The following FAM13B variants were observed in gnomAD, a reference collection of about 807,000 sequenced individuals.
The protein encoded by FAM13B is family with sequence similarity 13 member B.
In FAM13B, 60 loss-of-function variants were observed where a neutral mutation model predicts 117.3. That is an observed-to-expected ratio of 0.51 (90% confidence interval 0.42 to 0.63). FAM13B has a LOEUF of 0.63. FAM13B is among the 30% of genes least tolerant of loss of function. The pLI is 0.00. For synonymous variants in FAM13B, 332 were observed against 356.1 expected, an observed-to-expected ratio of 0.93 and a Z score of 0.76; for missense variants, 972 against 1,091.9, an observed-to-expected ratio of 0.89 and a Z score of 1.55.
At chr5:137,999,563 G>C (rs930032921) in intron 7 of FAM13B, among the ~76,000 whole-genome samples, 1 of 152,012 alleles carries the variant, frequency 6.6e-6, no homozygotes, top group African/African-American at 2.4e-5. Flanking sequence ...GTGAGTGCAA[G>C]ACCTTCCAGC....
chr5:137,945,699 T>C (rs1002670988), intron 20 of FAM13B, among the ~76,000 whole-genome samples: 1 of 152,220 alleles, frequency 6.6e-6, no homozygotes, highest in African/African-American at 2.4e-5. Flanking sequence ...GACATAAGCA[T>C]ACATAAAAAT....
upstream of FAM13B, among the ~76,000 whole-genome samples, chr5:138,033,520 G>C (rs1005199256): frequency 2.0e-5 from 3 of 152,152 alleles, no homozygotes; most frequent in African/African-American, 7.2e-5. Flanking sequence ...CCGGGACCAC[G>C]GGGCTGCACC....
chr5:137,994,460 G>A (rs1033107596), intron 7 of FAM13B, among the ~76,000 whole-genome samples: 1 of 151,830 alleles, frequency 6.6e-6, no homozygotes, highest in Admixed American at 6.6e-5. Flanking sequence ...TATCAGCCAG[G>A]GCTCACACAC....
At chr5:138,021,575 G>C (rs1786722002) in intron 1 of FAM13B, among the ~76,000 whole-genome samples, 1 of 152,066 alleles carries the variant, frequency 6.6e-6, no homozygotes, top group South Asian at 2.1e-4. Flanking sequence ...ATTTTCAAAA[G>C]ATCAAAGAAT....
intron 1 of FAM13B, among the ~76,000 whole-genome samples, chr5:138,047,409 G>A (rs1791674530): frequency 6.6e-6 from 1 of 151,802 alleles, no homozygotes; most frequent in Non-Finnish European, 1.5e-5. Context: ...AGGAGGCTGA[G>A]GCAGGAGAAT....
Position 138,011,261 on chromosome 5 carries a change from GT to G in FAM13B, c.549-113del, listed in dbSNP as rs946921040. On this transcript the variant is annotated intron_variant, in intron 5 of 23. Coordinates refer to ENST00000689681, the MANE Select transcript of FAM13B (RefSeq NM_001385994.1). ...CATGGGCAATTTATGTTACCATTCT[GT>G]GCTTCCATTCTCCCATCTGTAAAAC... 8.2e-6 allele frequency: 8 copies of G among 971,652 alleles called. No individual in the cohort carries two copies. In the African/African-American group the frequency reaches 1.4e-4, roughly 16 times the overall value. 60.2% of individuals were successfully genotyped at this position (971,652 alleles called of 1,614,324 possible).
At chr5:138,046,705 CAT>C (rs1791649301) in intron 1 of FAM13B, among the ~76,000 whole-genome samples, 2 of 152,124 alleles carry the variant, frequency 1.3e-5, no homozygotes. Context: ...TATTATGAGA[CAT>C]TATTACTATA....
rs919368572 is a variant in FAM13B at position 138,017,045 on chromosome 5, G to A, written c.370+1257C>T. On this transcript the variant is annotated intron_variant, in intron 4 of 23. Coordinates refer to ENST00000689681, the MANE Select transcript of FAM13B (RefSeq NM_001385994.1). ...AAACAAAAAAGCGTAATTTTGGGGG[G>A]AGAAAAATTAAAGTGATGCATTGAA... 3.3e-5 allele frequency among the ~76,000 whole-genome samples: 5 copies of A among 152,142 alleles called. No homozygotes were observed. In the East Asian group the frequency reaches 9.6e-4, roughly 29 times the overall value.
At chr5:137,982,864 A>C (rs1776152142) in intron 10 of FAM13B, among the ~76,000 whole-genome samples, 1 of 152,156 alleles carries the variant, frequency 6.6e-6, no homozygotes, top group Non-Finnish European at 1.5e-5. Context: ...TCAGCTATGA[A>C]CCTAATGATG....
At chr5:137,996,281 G>A (rs1779841407) in intron 7 of FAM13B, among the ~76,000 whole-genome samples, 2 of 152,004 alleles carry the variant, frequency 1.3e-5, no homozygotes, top group South Asian at 2.1e-4. Flanking sequence ...GACTACAGGC[G>A]CCGGCCACCA....
At chr5:137,968,258 T>A (rs1034098563) in intron 10 of FAM13B, among the ~76,000 whole-genome samples, 13 of 142,278 alleles carry the variant, frequency 9.1e-5, no homozygotes, top group Non-Finnish European at 1.7e-4. Flanking sequence ...AAAGTCACAA[T>A]GTAAGTTTCC....
chr5:138,023,021 T>C (rs1312563370), intron 1 of FAM13B, among the ~76,000 whole-genome samples: 1 of 152,050 alleles, frequency 6.6e-6, no homozygotes, highest in Admixed American at 6.6e-5. Context: ...AAGTCTCATG[T>C]TGCCCAGGTT....
At chr5:137,987,324 T>C in intron 9 of FAM13B, 137 bp downstream of exon 9, 2 of 683,374 alleles carry the variant, frequency 2.9e-6, no homozygotes, top group Non-Finnish European at 4.8e-6. Context: ...TATACAAGTA[T>C]ATATACAAAG....
At chr5:137,970,858 CAAAG>C (rs1267180079) in intron 10 of FAM13B, among the ~76,000 whole-genome samples, 2 of 151,910 alleles carry the variant, frequency 1.3e-5, no homozygotes, top group Non-Finnish European at 2.9e-5. Flanking sequence ...TCAAAAGAGA[CAAAG>C]AAGGCCATTA....
chr5:137,954,418 T>G, intron 14 of FAM13B, 42 bp from the exon 15 acceptor site: 2 of 1,536,478 alleles, frequency 1.3e-6, no homozygotes, highest in Non-Finnish European at 1.8e-6. Flanking sequence ...GGTCTCTTGA[T>G]TCCACGTGGG....
Position 137,983,213 on chromosome 5 carries a change from A to AAAAAAAAAAAAAC in FAM13B, c.1179+2043_1179+2044insGTTTTTTTTTTTT, listed in dbSNP as rs1561492748. Among the ~76,000 whole-genome samples the AAAAAAAAAAAAAC allele has an allele frequency of 8.5e-4, 80 of 93,712 alleles. 5 individuals are homozygous for AAAAAAAAAAAAAC. Among genetic ancestry groups the AAAAAAAAAAAAAC allele is most frequent in the Non-Finnish European group, 1.2e-3 (52 of 43,936 alleles). The allele number at this position is 93,712 out of a possible 152,430, so 61.5% of individuals were successfully genotyped here. A position where few individuals can be genotyped will look rare whatever the true frequency, so the allele number is the denominator to read the frequency against. On this transcript the variant is annotated intron_variant, in intron 10 of 23. Coordinates refer to ENST00000689681, the MANE Select transcript of FAM13B (RefSeq NM_001385994.1). Reference sequence around the variant, plus strand: ...AAAAAAAAAAAAAAAAAAAAAAAAAAAACCGAGTGAGATATCCTGAATGCC... The same window carrying AAAAAAAAAAAAAC: ...AAAAAAAAAAAAAAAAAAAAAAAAAAAAAAAAAAAAAACAACCGAGTGAGATATCCTGAATGCC...
At chr5:138,027,412 C>T (rs1788713629) in intron 1 of FAM13B, among the ~76,000 whole-genome samples, 1 of 152,172 alleles carries the variant, frequency 6.6e-6, no homozygotes, top group Non-Finnish European at 1.5e-5. Context: ...GCTAATTTGA[C>T]TTTACATCAT....
intron 7 of FAM13B, among the ~76,000 whole-genome samples, chr5:138,005,113 T>G (rs1782223011): frequency 6.6e-6 from 1 of 152,154 alleles, no homozygotes; most frequent in African/African-American, 2.4e-5. Flanking sequence ...GATGCGTGCC[T>G]ATAGTCTCAG....
intron 13 of FAM13B, 135 bp from the exon 14 acceptor site, chr5:137,956,677 C>T (rs954173956): frequency 1.5e-5 from 6 of 402,026 alleles, no homozygotes; most frequent in African/African-American, 2.1e-5. Context: ...TGTTCAAAAA[C>T]GTTATTAAAA....
Sources: gnomAD v4.1 joint callset for allele counts (sites outside exome capture counted in the v4.1 genomes callset) on GRCh38, gnomAD v4.1.1 for gene constraint, MANE v1.5 for transcripts, NCBI Gene and HGNC (gene_info 2026-07-23, HGNC 2026-07-21) for gene names.